Variants in TRAPPC10 observed in about 807,000 individuals in gnomAD.
TRAPPC10 encodes trafficking protein particle complex subunit 10, also known as TRAPP 130 kDa subunit.
TRAPPC10 carries 23 observed loss-of-function variants against 125.5 expected under a neutral mutation model. The observed-to-expected ratio is 0.18, with a 90% CI of 0.13 to 0.26. The LOEUF (loss-of-function observed/expected upper bound fraction) is 0.26, where lower values mean the gene tolerates loss of function less well. Ranked by LOEUF, TRAPPC10 falls within the 10% of genes least tolerant of loss-of-function variation. The pLI, the probability that TRAPPC10 is intolerant of heterozygous loss-of-function variation, is 1.00. For missense variants in TRAPPC10, 1,123 were observed against 1,308.4 expected, an observed-to-expected ratio of 0.86 and a Z score of 2.19; for synonymous variants, 509 against 518.0, an observed-to-expected ratio of 0.98 and a Z score of 0.24.
intron 15 of TRAPPC10, among the ~76,000 whole-genome samples, chr21:44,086,229 C>A (rs181669634): frequency 2.8e-4 from 42 of 152,324 alleles, no homozygotes; most frequent in Admixed American, 2.5e-3. Flanking sequence ...ACTCTCCCCC[C>A]GGTCCTGGTA....
Position 44,075,168 on chromosome 21 carries a change from A to C in TRAPPC10, c.1300+15A>C, listed in dbSNP as rs759599164. ...ACCAGAAACAGGTACTTTTTTGTAT[A>C]TACCTGTGTGAGTGGTGAGGTGGAC... On this transcript the variant is annotated intron_variant, in intron 9 of 22. Transcript: ENST00000291574. The C allele has an allele frequency of 6.4e-7, 1 of 1,568,694 alleles. No individual in the cohort carries two copies. Among genetic ancestry groups the C allele is most frequent in the African/African-American group, 1.4e-5 (1 of 73,828 alleles).
chr21:44,079,967 G>A (rs370474695), intron 12 of TRAPPC10, 48 bp from the exon 13 acceptor site: 25 of 1,518,630 alleles, frequency 1.6e-5, no homozygotes, highest in African/African-American at 5.5e-5. Context: ...ACTTCCCCCC[G>A]CACTCCTAAG....
rs769746040 is a variant in TRAPPC10, at chr21:44,083,082, C to T, written c.2018C>T (p.Ala673Val). The change falls in exon 14 of 23, where the codon GCG becomes GTG. Residue 673 changes from alanine (A) to valine (V), a missense_variant. By Grantham distance (64) the Ala-to-Val change is moderately conservative. Transcript: ENST00000291574. ...CCTGTATCCCAAAACAGTTTGCCCG[C>T]GCTGGAGTTGTATGAAATGTTTGAG... Reference protein sequence around the residue: ...PFPVSQNSLPALELYEMFERS... With the variant: ...PFPVSQNSLPVLELYEMFERS... 3.0e-5 allele frequency: 49 copies of T among 1,613,976 alleles called. 1 individual carries two copies. In the East Asian group the frequency reaches 4.7e-4, roughly 15 times the overall value.
At chr21:44,044,008 G>T (rs1273170699) in intron 3 of TRAPPC10, among the ~76,000 whole-genome samples, 1 of 152,196 alleles carries the variant, frequency 6.6e-6, no homozygotes, top group Non-Finnish European at 1.5e-5. Context: ...GTGAGCAAAA[G>T]AAAGTTTTAC....
intron 3 of TRAPPC10, among the ~76,000 whole-genome samples, chr21:44,051,464 T>C (rs2035228370): frequency 6.6e-6 from 1 of 152,222 alleles, no homozygotes; most frequent in South Asian, 2.1e-4. Flanking sequence ...AGTGGATTTA[T>C]GGAATAGAAG....
rs958719412 is a variant in TRAPPC10 at position 44,012,382 on chromosome 21, C to G, written c.-112C>G. On this transcript the variant is annotated 5_prime_UTR_variant, in exon 1 of 23. Coordinates refer to ENST00000291574, the MANE Select transcript of TRAPPC10 (RefSeq NM_003274.5). The stretch of plus-strand genomic sequence containing the variant: ...GCGGCGCAACCGGCTCCGGAGCTGC[C>G]TGGCGCGGCCGGGCGGGCGGCGCCG... The G allele has an allele frequency of 5.2e-5, 29 of 554,616 alleles. No individual in the cohort carries two copies. Among genetic ancestry groups the G allele is most frequent in the Non-Finnish European group, 6.7e-5 (29 of 435,726 alleles). The allele number at this position is 554,616 out of a possible 1,614,324, so 34.4% of individuals were successfully genotyped here.
chr21:44,055,662 G>A (rs948293959), intron 4 of TRAPPC10, 36 bp from the exon 5 acceptor site: 5 of 1,536,346 alleles, frequency 3.3e-6, no homozygotes, highest in Non-Finnish European at 4.4e-6. Context: ...TGTGCATGGA[G>A]GGTCTTTCCC....
rs1222261041 is a variant in TRAPPC10, at chr21:44,059,859, T to C, written c.790+645T>C. 4.1e-6 allele frequency: 1 copy of C among 246,106 alleles called. No individual in the cohort carries two copies. Among genetic ancestry groups the C allele is most frequent in the African/African-American group, 2.2e-5 (1 of 44,702 alleles). The allele number at this position is 246,106 out of a possible 1,614,324, so 15.2% of individuals were successfully genotyped here. On this transcript the variant is annotated intron_variant, in intron 6 of 22. Coordinates refer to ENST00000291574, the MANE Select transcript of TRAPPC10 (RefSeq NM_003274.5). This position sits in a 1 kb window ranked among gnomAD's most constrained non-coding sequence, Gnocchi z 4.4. ...GGTTAGCAGGTGGGGTTTGGAGTTG[T>C]TTTTGTTACAATTGGTATTCCTGGC...
intron 7 of TRAPPC10, among the ~76,000 whole-genome samples, chr21:44,066,039 T>A (rs1244486395): frequency 6.6e-6 from 1 of 152,086 alleles, no homozygotes; most frequent in African/African-American, 2.4e-5. Flanking sequence ...CCAGTCTAGT[T>A]GTTAGGATTT....
intron 4 of TRAPPC10, among the ~76,000 whole-genome samples, chr21:44,053,800 C>A (rs1013367322): frequency 1.3e-5 from 2 of 152,184 alleles, no homozygotes. Context: ...GGGATCACGC[C>A]GCTCTCCAGA....
intron 3 of TRAPPC10, chr21:44,046,752 C>T (rs1601647604): frequency 2.4e-6 from 1 of 418,006 alleles, no homozygotes; most frequent in Non-Finnish European, 4.5e-6. Context: ...AGGCGATCCT[C>T]CTGCCTTAGC....
chr21:44,081,017 C>CTTTTTTTTTTTTTTTT (rs67865929), intron 13 of TRAPPC10, among the ~76,000 whole-genome samples: 11 of 97,196 alleles, frequency 1.1e-4, no homozygotes, highest in Admixed American at 2.2e-4. Flanking sequence ...TTTTTTTTTT[C>CTTTTTTTTTTTTTTTT]TTTTTTTTTT....
At chr21:44,048,555 G>A (rs2035014885) in intron 3 of TRAPPC10, among the ~76,000 whole-genome samples, 1 of 152,082 alleles carries the variant, frequency 6.6e-6, no homozygotes, top group African/African-American at 2.4e-5. Context: ...GTGTAGTAGT[G>A]AGATCTCAGC....
At chr21:44,019,833 T>G (rs1198031607) in intron 1 of TRAPPC10, among the ~76,000 whole-genome samples, 2 of 152,230 alleles carry the variant, frequency 1.3e-5, no homozygotes, top group Non-Finnish European at 2.9e-5. Flanking sequence ...CGTCTTTGGT[T>G]TTAGACAGCT....
intron 14 of TRAPPC10, among the ~76,000 whole-genome samples, chr21:44,083,915 G>T (rs901635682): frequency 1.3e-5 from 2 of 152,202 alleles, no homozygotes; most frequent in East Asian, 3.8e-4. Context: ...TTAAGCATCA[G>T]TTACTCAGAA....
At chr21:44,027,876 C>T (rs1479356895) in intron 1 of TRAPPC10, among the ~76,000 whole-genome samples, 1 of 152,080 alleles carries the variant, frequency 6.6e-6, no homozygotes. Flanking sequence ...TTGCCCCTTC[C>T]CCCACGTGAG....
At chr21:44,094,284 CATT>C in intron 20 of TRAPPC10, 51 bp downstream of exon 20, 1 of 1,508,752 alleles carries the variant, frequency 6.6e-7, no homozygotes, top group Non-Finnish European at 9.1e-7. Context: ...TGAAAGATGG[CATT>C]ATGTTCTTTA....
intron 8 of TRAPPC10, among the ~76,000 whole-genome samples, chr21:44,074,714 G>A (rs930088202): frequency 6.6e-6 from 1 of 152,208 alleles, no homozygotes; most frequent in Non-Finnish European, 1.5e-5. Context: ...ACCCTGAGTC[G>A]GGGGACACGA....
intron 1 of TRAPPC10, among the ~76,000 whole-genome samples, chr21:44,017,457 T>A (rs1185764498): frequency 6.6e-6 from 1 of 152,136 alleles, no homozygotes; most frequent in Non-Finnish European, 1.5e-5. Context: ...ATTTTCTCTG[T>A]TCACAATGCT....
Sources: allele counts gnomAD v4.1 joint callset (sites outside exome capture counted in the v4.1 genomes callset), GRCh38; gene constraint gnomAD v4.1.1; non-coding constraint Gnocchi (gnomAD v3.1); transcripts MANE v1.5; gene names NCBI Gene and HGNC (gene_info 2026-07-23, HGNC 2026-07-21).